The following TENM4 variants were observed in gnomAD, a reference collection of about 807,000 sequenced individuals.
TENM4 encodes teneurin-4.
A neutral mutation model predicts 243.3 loss-of-function variants in TENM4; 82 were observed. The observed-to-expected ratio is 0.34, with a 90% CI of 0.28 to 0.40. The LOEUF (loss-of-function observed/expected upper bound fraction) is 0.40. Among genes scored for constraint, TENM4 ranks in the 10% least tolerant of loss-of-function variants. The pLI is 1.00. For missense variants in TENM4, 3,138 were observed against 3,673.3 expected (o/e 0.85, Z 3.77); for synonymous variants, 1,412 against 1,456.3 (o/e 0.97, Z 0.69).
chr11:78,986,640 TGCAACCTCC>T (rs1466707779), intron 6 of TENM4, among the ~76,000 whole-genome samples: 1 of 151,796 alleles, frequency 6.6e-6, no homozygotes, highest in African/African-American at 2.4e-5. Flanking sequence ...CTCGGCTCAC[TGCAACCTCC>T]GCCTCCCTCC....
chr11:79,037,919 T>C (rs1349020159), intron 6 of TENM4, among the ~76,000 whole-genome samples: 2 of 152,184 alleles, frequency 1.3e-5, no homozygotes, highest in South Asian at 2.1e-4. Flanking sequence ...TGATTCCTAT[T>C]GTGGAACAGA....
At chr11:78,997,829 C>T (rs555873315) in intron 6 of TENM4, among the ~76,000 whole-genome samples, 1 of 152,080 alleles carries the variant, frequency 6.6e-6, no homozygotes, top group African/African-American at 2.4e-5. Flanking sequence ...GAAGGTAGAG[C>T]CTTTTTAGGA....
intron 6 of TENM4, among the ~76,000 whole-genome samples, chr11:78,962,684 C>G (rs1230925462): frequency 2.0e-5 from 3 of 152,228 alleles, no homozygotes; most frequent in African/African-American, 7.2e-5. Flanking sequence ...GGTGATCTAT[C>G]AAACAGCTGC....
At chr11:79,283,024 G>A (rs1205117074) in intron 2 of TENM4, among the ~76,000 whole-genome samples, 1 of 152,082 alleles carries the variant, frequency 6.6e-6, no homozygotes, top group Non-Finnish European at 1.5e-5. Flanking sequence ...GATAAGGCAT[G>A]ACTATTAGCT....
intron 4 of TENM4, among the ~76,000 whole-genome samples, chr11:79,146,799 G>C (rs1862402669): frequency 6.6e-6 from 1 of 152,004 alleles, no homozygotes; most frequent in Non-Finnish European, 1.5e-5. Flanking sequence ...GGCGAAAACT[G>C]TACCACTCTT....
intron 6 of TENM4, among the ~76,000 whole-genome samples, chr11:78,967,476 T>A (rs910875875): frequency 4.6e-5 from 7 of 152,116 alleles, no homozygotes; most frequent in Non-Finnish European, 1.0e-4. Flanking sequence ...AGCAGGAAAG[T>A]GACAAGACCG....
At chr11:79,366,257 A>ACT (rs1457507568) in intron 1 of TENM4, among the ~76,000 whole-genome samples, 14 of 151,956 alleles carry the variant, frequency 9.2e-5, no homozygotes. Context: ...CTTCTCCAAG[A>ACT]CTCTTCTCAG....
At chr11:78,854,842 T>C (rs1858638735) in intron 11 of TENM4, among the ~76,000 whole-genome samples, 1 of 152,232 alleles carries the variant, frequency 6.6e-6, no homozygotes, top group Admixed American at 6.5e-5. Flanking sequence ...AATGGTTCTT[T>C]CTGAATGTTC....
intron 2 of TENM4, among the ~76,000 whole-genome samples, chr11:79,256,080 T>A (rs576474120): frequency 6.6e-6 from 1 of 152,228 alleles, no homozygotes; most frequent in Non-Finnish European, 1.5e-5. Context: ...AGAGAGAGGC[T>A]GGGTTGTTTA....
At chr11:78,814,615 A>C (rs1014145276) in intron 12 of TENM4, among the ~76,000 whole-genome samples, 1 of 152,236 alleles carries the variant, frequency 6.6e-6, no homozygotes, top group African/African-American at 2.4e-5. Flanking sequence ...TGTCTGCCTG[A>C]ACCAAATTTT....
intron 14 of TENM4, 86 bp downstream of exon 14, chr11:78,812,036 C>T (rs1857512224): frequency 6.8e-7 from 1 of 1,464,714 alleles, no homozygotes; most frequent in Non-Finnish European, 9.1e-7. Flanking sequence ...CAGGAGGCTT[C>T]CCCTGCTCCC....
chr11:79,140,821 AT>A (rs1252821228), intron 4 of TENM4, among the ~76,000 whole-genome samples: 1 of 152,062 alleles, frequency 6.6e-6, no homozygotes, highest in African/African-American at 2.4e-5. Flanking sequence ...TGAAAACAGG[AT>A]TTAGTGCAGT....
chr11:79,081,534 G>GGTGTGTGTGTGTGTGTGTGT (rs56237099), intron 4 of TENM4, among the ~76,000 whole-genome samples: 80 of 148,288 alleles, frequency 5.4e-4, no homozygotes, highest in Middle Eastern at 7.0e-3. Context: ...TGTCAGAGGT[G>GGTGTGTGTGTGTGTGTGTGT]GTGTGTGTGT....
intron 3 of TENM4, among the ~76,000 whole-genome samples, chr11:79,185,253 G>T (rs868602635): frequency 6.6e-6 from 1 of 152,036 alleles, no homozygotes; most frequent in Non-Finnish European, 1.5e-5. Context: ...AGCTGAGATC[G>T]TACCACTGCA....
chr11:79,178,786 C>T (rs182942971), intron 3 of TENM4, among the ~76,000 whole-genome samples: 11 of 152,310 alleles, frequency 7.2e-5, no homozygotes, highest in African/African-American at 2.2e-4. Context: ...GTATCTGGCA[C>T]ACAGTAGGCA....
chr11:78,949,087 CCA>C (rs1275530719), intron 6 of TENM4, among the ~76,000 whole-genome samples: 1 of 152,146 alleles, frequency 6.6e-6, no homozygotes, highest in African/African-American at 2.4e-5. Flanking sequence ...GACACAAAGC[CCA>C]GTCTCTTTAG....
chr11:79,134,498 C>T (rs112537441), intron 4 of TENM4, among the ~76,000 whole-genome samples: 7,612 of 152,088 alleles, frequency 0.05, 639 homozygotes, highest in African/African-American at 0.17. Context: ...AAAAACAATT[C>T]TAAAATTCAT....
At chr11:79,072,136 A>G (rs988069734) in intron 4 of TENM4, among the ~76,000 whole-genome samples, 4 of 152,198 alleles carry the variant, frequency 2.6e-5, no homozygotes, top group Non-Finnish European at 4.4e-5. Context: ...GATCAGTGAT[A>G]GTACCTTCTA....
rs149196523 is a variant in TENM4, at chr11:78,687,924, A to C, written c.5260+130T>G. The C allele has an allele frequency of 1.1e-4, 115 of 1,087,120 alleles. No individual in the cohort carries two copies. In the African/African-American group the frequency reaches 1.6e-3, roughly 15 times the overall value. The allele number at this position is 1,087,120 out of a possible 1,614,324, so 67.3% of individuals were successfully genotyped here. A position where few individuals can be genotyped will look rare whatever the true frequency, so the allele number is the denominator to read the frequency against. ...TGGTATATTTTGCAAATTAGGTGAT[A>C]ATACAGAGAGTTGCAATGCTTTCCT... On this transcript the variant is annotated intron_variant, in intron 29 of 33. Transcript: ENST00000278550.
Sources: gnomAD v4.1 joint callset for allele counts (sites outside exome capture counted in the v4.1 genomes callset) on GRCh38, gnomAD v4.1.1 for gene constraint, MANE v1.5 for transcripts, NCBI Gene and HGNC (gene_info 2026-07-23, HGNC 2026-07-21) for gene names.